The following UNC13C variants were observed in gnomAD, a reference collection of about 807,000 sequenced individuals.
UNC13C encodes unc-13 homolog C, also known as protein unc-13 homolog C.
A neutral mutation model predicts 245.4 loss-of-function variants in UNC13C; 174 were observed. The observed-to-expected ratio is 0.71, with a 90% confidence interval of 0.63 to 0.80. The LOEUF (loss-of-function observed/expected upper bound fraction) is 0.80. Among genes scored for constraint, UNC13C ranks in the 30% least tolerant of loss-of-function variants. The pLI is 0.00. For synonymous variants in UNC13C, 992 were observed against 895.1 expected, an observed-to-expected ratio of 1.11 and a Z score of -1.93; for missense variants, 2,829 against 2,602.9, an observed-to-expected ratio of 1.09 and a Z score of -1.89.
At chr15:54,155,913 ATGTCC>A (rs1416699411) in intron 4 of UNC13C, among the ~76,000 whole-genome samples, 1 of 152,248 alleles carries the variant, frequency 6.6e-6, no homozygotes, top group African/African-American at 2.4e-5. Flanking sequence ...GGACAGTAGT[ATGTCC>A]GATCATGTGG....
At chr15:54,028,568 G>C (rs1003237555) in intron 2 of UNC13C, among the ~76,000 whole-genome samples, 1 of 152,058 alleles carries the variant, frequency 6.6e-6, no homozygotes, top group Non-Finnish European at 1.5e-5. Context: ...CATCTCCTGC[G>C]AGGCAAGTGG....
intron 2 of UNC13C, among the ~76,000 whole-genome samples, chr15:54,059,049 C>T (rs1404082036): frequency 6.6e-6 from 1 of 152,084 alleles, no homozygotes; most frequent in African/African-American, 2.4e-5. Flanking sequence ...TGAAAAGTGG[C>T]ACAAGACAGG....
At chr15:54,415,367 C>T (rs1187975344) in intron 19 of UNC13C, among the ~76,000 whole-genome samples, 9 of 152,066 alleles carry the variant, frequency 5.9e-5, no homozygotes, top group Admixed American at 5.2e-4. Context: ...CAAAGCAGGC[C>T]ATATTGAGGG....
the UNC13C span, among the ~76,000 whole-genome samples, chr15:53,908,644 T>A: frequency 7.2e-6 from 1 of 138,238 alleles, no homozygotes; most frequent in Non-Finnish European, 1.6e-5. Context: ...AGTCCCAGCT[T>A]GGGGGACTGC....
At chr15:54,057,239 A>G (rs895866578) in intron 2 of UNC13C, among the ~76,000 whole-genome samples, 7 of 151,902 alleles carry the variant, frequency 4.6e-5, no homozygotes, top group African/African-American at 1.7e-4. Flanking sequence ...AGACACACAT[A>G]GGCTCAAAAT....
At chr15:54,488,245 C>T (rs1383996454) in intron 19 of UNC13C, among the ~76,000 whole-genome samples, 1 of 152,104 alleles carries the variant, frequency 6.6e-6, no homozygotes, top group East Asian at 1.9e-4. Flanking sequence ...ACCAACGTTT[C>T]CTGGTGATAA....
intron 18 of UNC13C, among the ~76,000 whole-genome samples, chr15:54,395,101 A>AT (rs2040043398): frequency 6.6e-6 from 1 of 151,666 alleles, no homozygotes; most frequent in African/African-American, 2.4e-5. Flanking sequence ...TTTGGAATCC[A>AT]TTTTTTATTA....
At chr15:53,844,108 G>A in the UNC13C span, among the ~76,000 whole-genome samples, 13 of 152,238 alleles carry the variant, frequency 8.5e-5, no homozygotes, top group East Asian at 1.4e-3. Flanking sequence ...CAGAGCATAC[G>A]TAAATGTGTT....
the UNC13C span, among the ~76,000 whole-genome samples, chr15:53,887,187 A>C: frequency 6.6e-6 from 1 of 152,164 alleles, no homozygotes; most frequent in Admixed American, 6.6e-5. Flanking sequence ...GTGGAAGGAG[A>C]AGGGTTATGG....
At chr15:54,330,820 C>A (rs919880715) in intron 14 of UNC13C, among the ~76,000 whole-genome samples, 2 of 151,942 alleles carry the variant, frequency 1.3e-5, no homozygotes, top group African/African-American at 4.8e-5. Context: ...TTTTCTGTAG[C>A]TTTGTTGGGA....
chr15:54,175,311 G>A (rs1299494896), intron 4 of UNC13C, among the ~76,000 whole-genome samples: 1 of 151,986 alleles, frequency 6.6e-6, no homozygotes, highest in Non-Finnish European at 1.5e-5. Flanking sequence ...GACTAAAGAG[G>A]AAATAAAGTT....
chr15:54,384,861 A>G (rs2039803767), intron 17 of UNC13C, among the ~76,000 whole-genome samples: 2 of 152,260 alleles, frequency 1.3e-5, no homozygotes, highest in South Asian at 2.1e-4. Context: ...ATATGAATAG[A>G]TATTTCCCAA....
chr15:53,969,607 G>C, the UNC13C span, among the ~76,000 whole-genome samples: 2 of 149,470 alleles, frequency 1.3e-5, no homozygotes, highest in South Asian at 4.2e-4. Context: ...GGTTGCTTGA[G>C]CATAAGAGTT....
At chr15:54,459,227 T>G (rs1891702460) in intron 19 of UNC13C, among the ~76,000 whole-genome samples, 1 of 152,216 alleles carries the variant, frequency 6.6e-6, no homozygotes, top group Admixed American at 6.5e-5. Context: ...CCTCAGTCCC[T>G]TCTGACTTGC....
intron 25 of UNC13C, among the ~76,000 whole-genome samples, chr15:54,528,768 A>T (rs572422455): frequency 2.6e-5 from 4 of 152,206 alleles, no homozygotes; most frequent in Non-Finnish European, 5.9e-5. Flanking sequence ...TTTTGACTAC[A>T]GCCAGCAGGA....
intron 19 of UNC13C, among the ~76,000 whole-genome samples, chr15:54,486,450 A>G (rs576729176): frequency 2.0e-5 from 3 of 152,020 alleles, no homozygotes; most frequent in Admixed American, 1.3e-4. Flanking sequence ...AAGAAAAAAA[A>G]AAAAAGAAAA....
At chr15:54,632,130 A>G (rs1178560214), downstream of UNC13C, 3 of 152,156 alleles carry the variant, frequency 2.0e-5, no homozygotes, top group African/African-American at 7.2e-5. Context: ...TGACATCCAT[A>G]TATTTTGTTT....
At chr15:54,147,180 T>C (rs2032297515) in intron 4 of UNC13C, among the ~76,000 whole-genome samples, 2 of 151,716 alleles carry the variant, frequency 1.3e-5, no homozygotes, top group Non-Finnish European at 2.9e-5. Flanking sequence ...GAGTGATACA[T>C]GCCCATGGCA....
chr15:54,387,101 T>A (rs1302203301), intron 17 of UNC13C, among the ~76,000 whole-genome samples: 1 of 151,996 alleles, frequency 6.6e-6, no homozygotes, highest in African/African-American at 2.4e-5. Flanking sequence ...AGACAAGGAG[T>A]GTTCTTGGCA....
Sources: gnomAD v4.1 joint callset for allele counts (sites outside exome capture counted in the v4.1 genomes callset) on GRCh38, gnomAD v4.1.1 for gene constraint, MANE v1.5 for transcripts, NCBI Gene and HGNC (gene_info 2026-07-23, HGNC 2026-07-21) for gene names.